Variants in SYN2 observed in about 807,000 individuals in gnomAD.
SYN2 encodes synapsin-2.
SYN2 carries 19 observed loss-of-function variants against 50.9 expected under a neutral mutation model. That is an observed-to-expected ratio of 0.37 (90% confidence interval 0.26 to 0.55). The LOEUF is 0.55. Among genes scored for constraint, SYN2 ranks in the 20% least tolerant of loss-of-function variants. SYN2 has a pLI of 0.81. For synonymous variants in SYN2, 255 were observed against 224.9 expected, an observed-to-expected ratio of 1.13 and a Z score of -1.20; for missense variants, 587 against 576.4, an observed-to-expected ratio of 1.02 and a Z score of -0.19.
chr3:12,126,831 T>C (rs1336894774), intron 1 of SYN2, among the ~76,000 whole-genome samples: 1 of 152,252 alleles, frequency 6.6e-6, no homozygotes, highest in Non-Finnish European at 1.5e-5. Flanking sequence ...TTGATATTAA[T>C]TTCATTGCAG....
chr3:12,161,732 T>TTCCTCTGGACTCCTGGTGTACTGCTG, intron 6 of SYN2, 124 bp downstream of exon 6: 1 of 1,242,666 alleles, frequency 8.0e-7, no homozygotes. Flanking sequence ...GAAGATGATT[T>TTCCTCTGGACTCCTGGTGTACTGCTG]GCCACCTCTA....
At chr3:12,047,727 A>G (rs960965624) in intron 1 of SYN2, among the ~76,000 whole-genome samples, 4 of 152,160 alleles carry the variant, frequency 2.6e-5, no homozygotes, top group African/African-American at 7.2e-5. Context: ...AAACTTTAGT[A>G]TATATTAACA....
In SYN2 at chr3:12,183,383, G is replaced by A. The variant is rs556832233; in HGVS notation, c.1369+11G>A. 9.3e-6 allele frequency: 15 copies of A among 1,613,898 alleles called. No homozygotes were observed. Among genetic ancestry groups the A allele is most frequent in the East Asian group, 2.2e-5 (1 of 44,876 alleles). ...GGCCACCCCCTCAAGGTTGTTTACA[G>A]TATATTCTCGACTGTAATGGCATTG... On this transcript the variant is annotated intron_variant, in intron 11 of 12. Coordinates refer to ENST00000621198, the MANE Select transcript of SYN2 (RefSeq NM_133625.6).
intron 1 of SYN2, among the ~76,000 whole-genome samples, chr3:12,089,022 T>C (rs556466514): frequency 1.3e-5 from 2 of 152,352 alleles, no homozygotes; most frequent in East Asian, 3.9e-4. Context: ...GAATAGATTT[T>C]AAATGTTTTC....
At chr3:12,053,931 C>T (rs1357919683) in intron 1 of SYN2, among the ~76,000 whole-genome samples, 2 of 152,070 alleles carry the variant, frequency 1.3e-5, no homozygotes, top group Non-Finnish European at 2.9e-5. Flanking sequence ...GTGACTTGGT[C>T]CATGTTCCTT....
intron 5 of SYN2, chr3:12,156,981 C>G (rs779900052): frequency 1.5e-6 from 2 of 1,379,042 alleles, no homozygotes; most frequent in Non-Finnish European, 2.1e-6. Context: ...AGTGAGTGTA[C>G]TGTATATATT....
intron 1 of SYN2, among the ~76,000 whole-genome samples, chr3:12,025,819 T>A (rs1040698612): frequency 3.3e-5 from 5 of 152,138 alleles, no homozygotes; most frequent in Admixed American, 3.3e-4. Flanking sequence ...CTGAATCTCT[T>A]AGCAGCCAGT....
At chr3:12,154,617 T>C (rs1393494077) in intron 5 of SYN2, among the ~76,000 whole-genome samples, 1 of 152,170 alleles carries the variant, frequency 6.6e-6, no homozygotes, top group Non-Finnish European at 1.5e-5. Context: ...CTATAATCTT[T>C]CTAGCAAAAA....
At chr3:12,159,672 A>G (rs1697590634) in intron 5 of SYN2, among the ~76,000 whole-genome samples, 2 of 152,222 alleles carry the variant, frequency 1.3e-5, no homozygotes, top group South Asian at 4.1e-4. Flanking sequence ...TCGAGGCCCT[A>G]GACTACATTG....
chr3:12,162,298 GTCTGTGGACTAA>G, intron 7 of SYN2, 144 bp downstream of exon 7: 1 of 948,340 alleles, frequency 1.1e-6, no homozygotes, highest in South Asian at 1.9e-5. Context: ...CAGAGGAGGG[GTCTGTGGACTAA>G]GATGAGAAAA....
intron 1 of SYN2, among the ~76,000 whole-genome samples, chr3:12,005,849 T>C (rs915850824): frequency 1.3e-5 from 2 of 152,078 alleles, no homozygotes; most frequent in Non-Finnish European, 2.9e-5. Flanking sequence ...TGAGGTCCAC[T>C]GAAGACAAAT....
At chr3:12,136,779 A>G (rs976906346) in intron 1 of SYN2, among the ~76,000 whole-genome samples, 8 of 152,230 alleles carry the variant, frequency 5.3e-5, no homozygotes, top group African/African-American at 1.2e-4. Flanking sequence ...TTAAACTTAC[A>G]TAGATCCTCA....
chr3:12,153,680 G>A (rs1331712221), intron 5 of SYN2: 1 of 1,614,232 alleles, frequency 6.2e-7, no homozygotes, highest in South Asian at 1.1e-5. Flanking sequence ...TAGGGGCCGA[G>A]ATGGTACAGG....
intron 1 of SYN2, among the ~76,000 whole-genome samples, chr3:12,013,120 T>C (rs1693951417): frequency 6.6e-6 from 1 of 152,194 alleles, no homozygotes; most frequent in South Asian, 2.1e-4. Flanking sequence ...CTGCATTCTT[T>C]GTTCCTTTTT....
At chr3:12,005,352 A>G (rs1166685006) in intron 1 of SYN2, among the ~76,000 whole-genome samples, 1 of 151,980 alleles carries the variant, frequency 6.6e-6, no homozygotes, top group Non-Finnish European at 1.5e-5. Context: ...TGAAGCACGG[A>G]GTGAATTTGG....
At chr3:12,079,423 A>G (rs1289556082) in intron 1 of SYN2, among the ~76,000 whole-genome samples, 3 of 152,206 alleles carry the variant, frequency 2.0e-5, no homozygotes, top group African/African-American at 7.2e-5. Flanking sequence ...ATTCAGTATG[A>G]TATCGACTGT....
At chr3:12,070,293 G>A in intron 1 of SYN2, 1 of 491,362 alleles carries the variant, frequency 2.0e-6, no homozygotes, top group Middle Eastern at 4.1e-4. Context: ...GATTTGCTGG[G>A]GACGACGCCC....
chr3:12,034,407 G>T (rs1366335818), intron 1 of SYN2, among the ~76,000 whole-genome samples: 2 of 152,044 alleles, frequency 1.3e-5, no homozygotes, highest in African/African-American at 4.8e-5. Flanking sequence ...TCTTTCTGTT[G>T]TTGAGTTGTA....
At position 12,168,361 on chromosome 3, in the gene SYN2, T is replaced by G. The variant is rs1392888466; in HGVS notation, c.1056-15T>G. ...GAATTGCCCCAGCTTCAGGACACCT[T>G]CCCATCACCTCCAGGTACAAACTGT... On this transcript the variant is annotated splice_polypyrimidine_tract_variant and intron_variant, in intron 8 of 12. Coordinates refer to ENST00000621198, the MANE Select transcript of SYN2 (RefSeq NM_133625.6). 1.9e-6 allele frequency: 3 copies of G among 1,609,996 alleles called. No individual in the cohort carries two copies. Among genetic ancestry groups the G allele is most frequent in the Non-Finnish European group, 2.5e-6 (3 of 1,177,804 alleles).
Sources: allele counts gnomAD v4.1 joint callset (sites outside exome capture counted in the v4.1 genomes callset), GRCh38; gene constraint gnomAD v4.1.1; transcripts MANE v1.5; gene names NCBI Gene and HGNC (gene_info 2026-07-23, HGNC 2026-07-21).